Variants in OGFOD1 observed in about 807,000 individuals in gnomAD.
OGFOD1 encodes prolyl 3-hydroxylase OGFOD1.
In OGFOD1, 54 loss-of-function variants were observed where a neutral mutation model predicts 67.7. The observed-to-expected ratio is 0.80, with a 90% confidence interval of 0.64 to 1.00. The LOEUF (loss-of-function observed/expected upper bound fraction) is 1.00. Ranked by LOEUF, OGFOD1 falls within the 50% of genes least tolerant of loss-of-function variation. OGFOD1 has a pLI of 0.00. For synonymous variants in OGFOD1, 221 were observed against 227.0 expected (o/e 0.97, Z 0.24); for missense variants, 606 against 646.7 (o/e 0.94, Z 0.68).
intron 8 of OGFOD1, among the ~76,000 whole-genome samples, chr16:56,469,610 T>C (rs1963057306): frequency 6.6e-6 from 1 of 151,992 alleles, no homozygotes; most frequent in African/African-American, 2.4e-5. Flanking sequence ...ATCTCAACCC[T>C]TTGGGAATCC....
At chr16:56,453,174 C>T in intron 1 of OGFOD1, 89 bp from the exon 2 acceptor site, 6 of 1,343,290 alleles carry the variant, frequency 4.5e-6, no homozygotes, top group Non-Finnish European at 6.1e-6. Flanking sequence ...AATTCATGAC[C>T]ATCCCCTTTT....
At position 56,476,236 on chromosome 16, in the gene OGFOD1, A is replaced by T. The variant is rs1963471764; in HGVS notation, c.*31A>T. 8.2e-6 allele frequency: 13 copies of T among 1,593,104 alleles called. No individual in the cohort carries two copies. The East Asian group carries it at 2.9e-4, about 36-fold the overall frequency. ...CTGGGCAAAGCTGAACAAAAATGTG[A>T]CCCTTCGTAATTACTGGGAAGTCTG... On this transcript the variant is annotated 3_prime_UTR_variant, in exon 13 of 13. Coordinates refer to ENST00000566157, the MANE Select transcript of OGFOD1 (RefSeq NM_018233.4).
chr16:56,462,595 T>C lies in OGFOD1; in HGVS notation c.409T>C (p.Ser137Pro). 1 of 1,612,742 alleles carries C rather than the reference T, an allele frequency of 6.2e-7. No homozygotes were observed. The highest frequency in any genetic ancestry group is 8.5e-7 in the Non-Finnish European group (1 of 1,178,866). ...TGATATTTCTAAAATTGACCTGGAA[T>C]CAACCATTGACATGTCCTGTGCTAA... is the stretch of plus-strand genomic sequence containing the variant. ...LSDISKIDLESTIDMSCAKYE... is the reference protein window; with the variant it reads ...LSDISKIDLEPTIDMSCAKYE... The change falls in exon 4 of 13, where the codon TCA becomes CCA. Residue 137 changes from serine to proline, a missense_variant. Coordinates refer to ENST00000566157, the MANE Select transcript of OGFOD1 (RefSeq NM_018233.4).
intron 10 of OGFOD1, among the ~76,000 whole-genome samples, chr16:56,472,058 C>T (rs2144040988): frequency 6.6e-6 from 1 of 152,182 alleles, no homozygotes; most frequent in South Asian, 2.1e-4. Context: ...ACCTCCTAGG[C>T]TCGAGCGATC....
chr16:56,475,032 A>G, intron 11 of OGFOD1, 82 bp downstream of exon 11: 1 of 1,428,528 alleles, frequency 7.0e-7, no homozygotes, highest in Admixed American at 2.0e-5. Flanking sequence ...AGCTGAACCA[A>G]TTCATAAGTA....
intron 2 of OGFOD1, 113 bp from the exon 3 acceptor site, chr16:56,458,433 CAG>C (rs1298518946): frequency 2.2e-6 from 2 of 913,952 alleles, no homozygotes; most frequent in East Asian, 4.9e-5. Flanking sequence ...AGCCTGGCTT[CAG>C]AGTCTGGGCT....
chr16:56,460,458 A>C (rs1220916121), intron 3 of OGFOD1, among the ~76,000 whole-genome samples: 2 of 152,272 alleles, frequency 1.3e-5, no homozygotes, highest in African/African-American at 4.8e-5. Context: ...AGTTGCTTAC[A>C]GTATCAAGAC....
intron 2 of OGFOD1, among the ~76,000 whole-genome samples, chr16:56,456,309 G>A (rs1305539308): frequency 6.6e-6 from 1 of 152,116 alleles, no homozygotes; most frequent in African/African-American, 2.4e-5. Context: ...TAATGATAGA[G>A]TATTCTGCAT....
At chr16:56,456,032 T>C (rs1381935867) in intron 2 of OGFOD1, among the ~76,000 whole-genome samples, 1 of 152,226 alleles carries the variant, frequency 6.6e-6, no homozygotes, top group Non-Finnish European at 1.5e-5. Flanking sequence ...GGTAAGCCCA[T>C]TTTAATCAGG....
rs539203051 is a variant in OGFOD1, at chr16:56,462,633, T to A, written c.447T>A (p.Thr149=). 1 of 1,571,364 alleles carries A rather than the reference T, an allele frequency of 6.4e-7. No individual in the cohort carries two copies. The highest frequency in any genetic ancestry group is 2.2e-5 in the East Asian group (1 of 44,664). The part of the protein sequence containing the change: ...IDMSCAKYEF[T]DALLCHDDEL... ...TGTCCTGTGCTAAATATGAATTCAC[T>A]GGTAAGGAAGATAAAGGCCTGGTGT... is the stretch of plus-strand genomic sequence containing the variant. The change falls in exon 4 of 13, where the codon ACT becomes ACA. Residue 149 remains threonine, a splice_region_variant and synonymous_variant. Transcript: ENST00000566157.
At chr16:56,473,394 G>A (rs1397813750) in intron 10 of OGFOD1, among the ~76,000 whole-genome samples, 4 of 152,216 alleles carry the variant, frequency 2.6e-5, no homozygotes, top group African/African-American at 9.7e-5. Context: ...CCTGTGTTGA[G>A]CATTTAGATT....
At position 56,478,730 on chromosome 16, in the gene OGFOD1, C is replaced by T. The variant is rs955942681; in HGVS notation, c.*2525C>T. On this transcript the variant is annotated 3_prime_UTR_variant, in exon 13 of 13. Coordinates refer to ENST00000566157, the MANE Select transcript of OGFOD1 (RefSeq NM_018233.4). Reference sequence around the variant, plus strand: ...AGTGTTAAAATGTGCTTTTTAGTGTCTCCTTTATCTCAGTGTGTTTATGAT... The same window carrying T: ...AGTGTTAAAATGTGCTTTTTAGTGTTTCCTTTATCTCAGTGTGTTTATGAT... 1 of 152,174 alleles carries T rather than the reference C, an allele frequency of 6.6e-6. No homozygotes were observed. The highest frequency in any genetic ancestry group is 1.5e-5 in the Non-Finnish European group (1 of 68,022). The allele number at this position is 152,174 out of a possible 1,614,324, so 9.4% of individuals were successfully genotyped here.
chr16:56,471,920 C>T (rs1315953318), intron 10 of OGFOD1, among the ~76,000 whole-genome samples: 1 of 152,132 alleles, frequency 6.6e-6, no homozygotes, highest in East Asian at 1.9e-4. Context: ...TGGAGTCTGT[C>T]TCAAAGGGAT....
Position 56,466,264 on chromosome 16 carries a change from T to G in OGFOD1, c.561T>G (p.Ile187Met). 6.2e-7 allele frequency: 1 copy of G among 1,600,642 alleles called. No homozygotes were observed. Among genetic ancestry groups the G allele is most frequent in the African/African-American group, 1.3e-5 (1 of 74,802 alleles). The change falls in exon 5 of 13, where the codon ATT (isoleucine) becomes ATG (methionine). Residue 187 changes from isoleucine to methionine, a missense_variant. Transcript: ENST00000566157. ...GTGGTACCCTGGACCTGTACAGCAT[T>G]GATGGTAAGATAAGTATAAGTGCAT... ...SMGGTLDLYS[I>M]DEHFQPKQIV...
chr16:56,473,567 CATG>C (rs1261261140), intron 10 of OGFOD1, among the ~76,000 whole-genome samples: 8 of 152,324 alleles, frequency 5.3e-5, no homozygotes, highest in African/African-American at 1.9e-4. Flanking sequence ...CAGCATTGTA[CATG>C]ATGATGTTTT....
chr16:56,458,435 G>GA (rs1962599175), intron 2 of OGFOD1, 113 bp from the exon 3 acceptor site: 2 of 928,744 alleles, frequency 2.2e-6, no homozygotes, highest in Non-Finnish European at 3.5e-6. Flanking sequence ...CCTGGCTTCA[G>GA]AGTCTGGGCT....
At chr16:56,456,672 A>C (rs77101088) in intron 2 of OGFOD1, among the ~76,000 whole-genome samples, 1 of 152,154 alleles carries the variant, frequency 6.6e-6, no homozygotes, top group Non-Finnish European at 1.5e-5. Context: ...TATTTTTACT[A>C]TACCTTTTCT....
At chr16:56,468,537 C>T (rs184855888) in intron 8 of OGFOD1, among the ~76,000 whole-genome samples, 1 of 152,224 alleles carries the variant, frequency 6.6e-6, no homozygotes, top group Admixed American at 6.5e-5. Flanking sequence ...GCCTGGCCAA[C>T]ATTGTGAAAC....
rs749548323 is a variant in OGFOD1, at chr16:56,470,520, T to A, written c.1014T>A (p.Pro338=). Residue 338 remains proline, a synonymous_variant, in exon 10 of 13, where the codon CCT becomes CCA. Transcript: ENST00000566157. ...FYEKAEESKL[P]EILKECMKLF... The stretch of plus-strand genomic sequence containing the variant: ...AGAAAGCTGAGGAGAGTAAGCTTCC[T>A]GAGATATTGAAGGAGTGCATGAAGT... The A allele has an allele frequency of 3.1e-6, 5 of 1,613,002 alleles. No individual in the cohort carries two copies. The African/African-American group carries it at 5.3e-5, about 17-fold the overall frequency.
Sources: allele counts gnomAD v4.1 joint callset (sites outside exome capture counted in the v4.1 genomes callset), GRCh38; gene constraint gnomAD v4.1.1; transcripts MANE v1.5; gene names NCBI Gene and HGNC (gene_info 2026-07-23, HGNC 2026-07-21).